Variants in TBX19 observed in about 807,000 individuals in gnomAD.
TBX19 encodes T-box transcription factor TBX19.
A neutral mutation model predicts 40.9 loss-of-function variants in TBX19; 33 were observed. That is an observed-to-expected ratio of 0.81 (90% confidence interval 0.61 to 1.08). The LOEUF (loss-of-function observed/expected upper bound fraction) is 1.08. Among genes scored for constraint, TBX19 ranks in the 50% least tolerant of loss-of-function variants. TBX19 has a pLI of 0.00. For synonymous variants in TBX19, 220 were observed against 225.0 expected, an observed-to-expected ratio of 0.98 and a Z score of 0.20; for missense variants, 494 against 574.0, an observed-to-expected ratio of 0.86 and a Z score of 1.42.
intron 7 of TBX19, among the ~76,000 whole-genome samples, chr1:168,310,808 CTA>C (rs1203213569): frequency 2.1e-5 from 3 of 140,814 alleles, no homozygotes; most frequent in Non-Finnish European, 3.1e-5. Context: ...ATTTTAATAT[CTA>C]TAAAATATAT....
At chr1:168,308,130 A>G (rs1326487217) in intron 6 of TBX19, 1 of 145,930 alleles carries the variant, frequency 6.9e-6, no homozygotes, top group African/African-American at 2.6e-5. Flanking sequence ...GTAAAAAGGT[A>G]TGTTTTTTTC....
At chr1:168,290,957 A>G (rs903726624) in intron 1 of TBX19, among the ~76,000 whole-genome samples, 1 of 152,098 alleles carries the variant, frequency 6.6e-6, no homozygotes, top group Admixed American at 6.5e-5. Context: ...TTTAAAACGG[A>G]GCATGTTTTA....
At chr1:168,299,013 A>G (rs1649202050) in intron 4 of TBX19, among the ~76,000 whole-genome samples, 1 of 147,632 alleles carries the variant, frequency 6.8e-6, no homozygotes, top group East Asian at 2.0e-4. Flanking sequence ...TCCTGGGTGC[A>G]AGCGATTCTC....
At chr1:168,303,302 T>C (rs10800351) in intron 5 of TBX19, among the ~76,000 whole-genome samples, 14,799 of 152,220 alleles carry the variant, frequency 0.097, 862 homozygotes, top group South Asian at 0.19. Context: ...TTTGGTTTTT[T>C]GTCCTTGCGA....
At position 168,308,872 on chromosome 1, in the gene TBX19, G is replaced by C; in HGVS notation, c.1047G>C (p.Gly349=). The change falls in exon 7 of 8, where the codon GGG becomes GGC. Residue 349 remains glycine, a synonymous_variant. Transcript: ENST00000367821. ...VPHTNGPINP[G]PSPYPCLWTI... is the part of the protein sequence containing the mutation. Reference sequence around the variant, plus strand: ...ACACCAACGGACCAATCAATCCAGGGCCCAGGTAAGACCAACACCATCAAC... The same window carrying C: ...ACACCAACGGACCAATCAATCCAGGCCCCAGGTAAGACCAACACCATCAAC... 1 of 1,614,018 alleles carries C rather than the reference G, an allele frequency of 6.2e-7. No homozygotes were observed. The highest frequency in any genetic ancestry group is 8.5e-7 in the Non-Finnish European group (1 of 1,180,004).
intron 1 of TBX19, among the ~76,000 whole-genome samples, chr1:168,289,017 A>G (rs1184016073): frequency 6.6e-6 from 1 of 152,206 alleles, no homozygotes; most frequent in Non-Finnish European, 1.5e-5. Flanking sequence ...AGTATGCAAA[A>G]TGACAATTAT....
intron 5 of TBX19, among the ~76,000 whole-genome samples, chr1:168,304,309 G>C (rs976060983): frequency 1.3e-5 from 2 of 151,832 alleles, no homozygotes; most frequent in African/African-American, 4.9e-5. Flanking sequence ...GCTGCTGATT[G>C]GTTGGATCAG....
At chr1:168,287,033 G>C (rs964543805) in intron 1 of TBX19, among the ~76,000 whole-genome samples, 5 of 152,188 alleles carry the variant, frequency 3.3e-5, no homozygotes, top group African/African-American at 9.7e-5. Flanking sequence ...ATCAGGTACA[G>C]CTCTGACCAT....
chr1:168,283,999 G>A (rs938185589), intron 1 of TBX19, among the ~76,000 whole-genome samples: 1 of 152,198 alleles, frequency 6.6e-6, no homozygotes, highest in African/African-American at 2.4e-5. Context: ...TTGATCAGAA[G>A]CTGTAAAGAG....
chr1:168,313,108 C>T lies in TBX19; in HGVS notation c.*106C>T. The T allele has an allele frequency of 7.1e-7, 1 of 1,412,958 alleles. No homozygotes were observed. The highest frequency in any genetic ancestry group is 9.9e-7 in the Non-Finnish European group (1 of 1,010,598). 87.5% of individuals were successfully genotyped at this position (1,412,958 alleles called of 1,614,324 possible). A position where few individuals can be genotyped will look rare whatever the true frequency, so the allele number is the denominator to read the frequency against. ...TCAGACTGTGGAATCTCCCTTCCCA[C>T]TAGCTGGAGGTGGAGGTGGGTTATT... On this transcript the variant is annotated 3_prime_UTR_variant, in exon 8 of 8. Coordinates refer to ENST00000367821, the MANE Select transcript of TBX19 (RefSeq NM_005149.3).
chr1:168,286,137 A>G (rs981617893), intron 1 of TBX19, among the ~76,000 whole-genome samples: 1 of 152,270 alleles, frequency 6.6e-6, no homozygotes, highest in Non-Finnish European at 1.5e-5. Context: ...TGGCAAATGC[A>G]ATACTAAAGA....
chr1:168,293,097 A>G (rs894170874), intron 2 of TBX19, 47 bp from the exon 3 acceptor site: 3 of 1,609,858 alleles, frequency 1.9e-6, no homozygotes, highest in Non-Finnish European at 2.5e-6. Flanking sequence ...CACCTGCGAT[A>G]CACGGGGCTT....
intron 5 of TBX19, among the ~76,000 whole-genome samples, chr1:168,302,301 G>A (rs757341853): frequency 6.6e-6 from 1 of 152,232 alleles, no homozygotes; most frequent in Non-Finnish European, 1.5e-5. Flanking sequence ...TGTTGGGAAT[G>A]ATTGTAATAT....
At chr1:168,298,408 C>G (rs1649170910) in intron 4 of TBX19, among the ~76,000 whole-genome samples, 1 of 152,032 alleles carries the variant, frequency 6.6e-6, no homozygotes, top group African/African-American at 2.4e-5. Flanking sequence ...TTCACTCTGC[C>G]TTTTTCCTAA....
At chr1:168,300,566 C>T (rs1391658768) in intron 5 of TBX19, 83 bp downstream of exon 5, 33 of 1,299,904 alleles carry the variant, frequency 2.5e-5, no homozygotes, top group Non-Finnish European at 3.3e-5. Context: ...CTTTGCCTGT[C>T]AGGACTGCTT....
At chr1:168,305,320 A>G in intron 6 of TBX19, 124 bp downstream of exon 6, 1 of 834,634 alleles carries the variant, frequency 1.2e-6, no homozygotes, top group East Asian at 2.5e-5. Context: ...ATATACATCT[A>G]TGATATGATT....
In TBX19 at chr1:168,314,182, T is replaced by C. The variant is rs1649589364; in HGVS notation, c.*1180T>C. 6.5e-6 allele frequency: 1 copy of C among 152,948 alleles called. No individual in the cohort carries two copies. The allele number at this position is 152,948 out of a possible 1,614,324, so 9.5% of individuals were successfully genotyped here. On this transcript the variant is annotated 3_prime_UTR_variant, in exon 8 of 8. Transcript: ENST00000367821. The stretch of plus-strand genomic sequence containing the variant: ...CCTGGCTGAAACGTCACTCCCTGCA[T>C]CCAACATCTGATCTGCTGAGATATG...
Position 168,311,976 on chromosome 1 carries a change from G to C in TBX19, c.1053-732G>C, listed in dbSNP as rs575640351. On this transcript the variant is annotated intron_variant, in intron 7 of 7. Coordinates refer to ENST00000367821, the MANE Select transcript of TBX19 (RefSeq NM_005149.3). The stretch of plus-strand genomic sequence containing the variant: ...CCCCCCCTAGTGATTCCAATGTGCC[G>C]AATGTGCAATCAAGTGTGTGAACCT... 9.2e-5 allele frequency among the ~76,000 whole-genome samples: 14 copies of C among 152,248 alleles called. No homozygotes were observed. The South Asian group carries it at 2.7e-3, about 29-fold the overall frequency.
At position 168,308,767 on chromosome 1, in the gene TBX19, T is replaced by A; in HGVS notation, c.942T>A (p.Asn314Lys). ...TGAATTTGATAGAAAGCTCAAGCAA[T>A]AATCTGCAAGTTTTCTCGGGACCTG... The part of the protein sequence containing the change: ...PSVNLIESSS[N>K]NLQVFSGPDS... Residue 314 changes from asparagine (N) to lysine (K), a missense_variant, in exon 7 of 8, where the codon AAT becomes AAA. Asn to Lys is a moderately conservative substitution (Grantham distance 94, BLOSUM62 0). Around this residue, in one of 3 missense-constraint regions of TBX19, gnomAD observed 284 missense variants for 307.3 expected, o/e 0.92. Transcript: ENST00000367821. The A allele has an allele frequency of 6.2e-7, 1 of 1,614,122 alleles. No individual in the cohort carries two copies. Among genetic ancestry groups the A allele is most frequent in the Non-Finnish European group, 8.5e-7 (1 of 1,180,010 alleles).
Sources: allele counts gnomAD v4.1 joint callset (sites outside exome capture counted in the v4.1 genomes callset), GRCh38; gene constraint gnomAD v4.1.1; regional missense constraint gnomAD v4.1.1; transcripts MANE v1.5; gene names NCBI Gene and HGNC (gene_info 2026-07-23, HGNC 2026-07-21).